ANKS1B: variants seen among roughly 807,000 people sequenced by gnomAD.
ANKS1B encodes ankyrin repeat and sterile alpha motif domain containing 1B.
ANKS1B carries 36 observed loss-of-function variants against 148.3 expected under a neutral mutation model. The ratio of observed to expected loss-of-function variants is 0.24; its 90% confidence interval spans 0.19 to 0.32. ANKS1B has a LOEUF of 0.32. ANKS1B is among the 10% of genes least tolerant of loss of function. The probability of loss-of-function intolerance (pLI) is 1.00; values close to 1 mark genes in which losing one functional copy is unlikely to be tolerated. For synonymous variants in ANKS1B, 542 were observed against 560.8 expected (o/e 0.97, Z 0.47); for missense variants, 1,157 against 1,542.6 (o/e 0.75, Z 4.19).
At chr12:99,902,939 T>C (rs1416675417) in intron 1 of ANKS1B, among the ~76,000 whole-genome samples, 1 of 142,348 alleles carries the variant, frequency 7.0e-6, no homozygotes, top group Non-Finnish European at 1.6e-5. Flanking sequence ...GTTGTTGCTG[T>C]TGTTGTTTTT....
At chr12:99,375,088 C>T (rs772682025) in intron 12 of ANKS1B, among the ~76,000 whole-genome samples, 3 of 152,148 alleles carry the variant, frequency 2.0e-5, no homozygotes, top group Non-Finnish European at 2.9e-5. Context: ...ACTTGGTGAA[C>T]AGAGTTGAAG....
At chr12:99,059,598 G>A (rs1445636042) in intron 16 of ANKS1B, among the ~76,000 whole-genome samples, 3 of 151,856 alleles carry the variant, frequency 2.0e-5, no homozygotes, top group Non-Finnish European at 1.5e-5. Context: ...ATGTAGCCAT[G>A]GGCAAGTCAC....
At chr12:99,100,686 C>G (rs1015597005) in intron 15 of ANKS1B, among the ~76,000 whole-genome samples, 1 of 152,160 alleles carries the variant, frequency 6.6e-6, no homozygotes, top group Non-Finnish European at 1.5e-5. Context: ...CATGCCATCA[C>G]GCCCAGCTAA....
intron 17 of ANKS1B, among the ~76,000 whole-genome samples, chr12:98,982,152 T>G (rs1396820544): frequency 6.6e-6 from 1 of 152,240 alleles, no homozygotes; most frequent in East Asian, 1.9e-4. Context: ...TTTTATTAAA[T>G]GCTTATTAGA....
In ANKS1B at chr12:99,510,103, T is replaced by G. The variant is rs552792093; in HGVS notation, c.1273-5462A>C. 6.6e-5 allele frequency among the ~76,000 whole-genome samples: 10 copies of G among 152,088 alleles called. No homozygotes were observed. In the South Asian group the frequency reaches 2.1e-3, roughly 32 times the overall value. ...AGACCTACTATTCACAAGAAAAGAT[T>G]CCTTTCAAAATATTACTATTCATTG... On this transcript the variant is annotated intron_variant, in intron 9 of 26. Coordinates refer to ENST00000683438, the MANE Select transcript of ANKS1B (RefSeq NM_001352186.2).
chr12:99,100,878 A>G (rs1266897212), intron 15 of ANKS1B, among the ~76,000 whole-genome samples: 1 of 152,252 alleles, frequency 6.6e-6, no homozygotes, highest in Non-Finnish European at 1.5e-5. Context: ...ATGGCTGTAC[A>G]GAGAAAAGAT....
intron 9 of ANKS1B, among the ~76,000 whole-genome samples, chr12:99,631,418 G>T (rs902147985): frequency 2.0e-5 from 3 of 152,118 alleles, no homozygotes; most frequent in Non-Finnish European, 4.4e-5. Context: ...TGGAGGAGCA[G>T]GCTAGAAAAA....
chr12:99,360,586 A>G (rs2092386629), intron 12 of ANKS1B, among the ~76,000 whole-genome samples: 1 of 152,120 alleles, frequency 6.6e-6, no homozygotes, highest in African/African-American at 2.4e-5. Context: ...GGTAATCCCA[A>G]GAAAGGCTTT....
chr12:99,775,373 G>C (rs192599455), intron 7 of ANKS1B, among the ~76,000 whole-genome samples, 175 bp downstream of exon 7: 1 of 152,248 alleles, frequency 6.6e-6, no homozygotes, highest in African/African-American at 2.4e-5. Flanking sequence ...AGCAGGGATA[G>C]TTTTCTGCTT....
intron 8 of ANKS1B, among the ~76,000 whole-genome samples, chr12:99,708,547 C>T (rs1025990951): frequency 6.6e-6 from 1 of 152,140 alleles, no homozygotes; most frequent in African/African-American, 2.4e-5. Flanking sequence ...TGTTTCTTGA[C>T]TCTTCCAGCT....
At chr12:99,852,623 C>T (rs1038337182) in intron 1 of ANKS1B, among the ~76,000 whole-genome samples, 1 of 152,122 alleles carries the variant, frequency 6.6e-6, no homozygotes, top group African/African-American at 2.4e-5. Flanking sequence ...AGCTCCCACT[C>T]GGATGTACAG....
chr12:99,163,056 A>C (rs1260770823), intron 14 of ANKS1B, among the ~76,000 whole-genome samples: 1 of 141,896 alleles, frequency 7.0e-6, no homozygotes, highest in Non-Finnish European at 1.5e-5. Context: ...AGACTCTGTC[A>C]AAAAAAAAAA....
At chr12:99,083,243 A>G (rs1247302342) in intron 16 of ANKS1B, among the ~76,000 whole-genome samples, 2 of 152,224 alleles carry the variant, frequency 1.3e-5, no homozygotes, top group African/African-American at 2.4e-5. Flanking sequence ...GGGAGAAAGT[A>G]TAGCCTCTCT....
intron 9 of ANKS1B, among the ~76,000 whole-genome samples, chr12:99,551,223 T>G (rs2097214532): frequency 1.3e-5 from 2 of 152,154 alleles, no homozygotes. Context: ...TACTCCCACT[T>G]CTATCATCAA....
At chr12:98,971,618 C>A (rs2099883189) in intron 17 of ANKS1B, among the ~76,000 whole-genome samples, 1 of 152,138 alleles carries the variant, frequency 6.6e-6, no homozygotes, top group South Asian at 2.1e-4. Context: ...ACCTAACATT[C>A]AAATGAAGGG....
At chr12:99,118,216 T>C (rs1441275205) in intron 15 of ANKS1B, among the ~76,000 whole-genome samples, 1 of 152,206 alleles carries the variant, frequency 6.6e-6, no homozygotes, top group Non-Finnish European at 1.5e-5. Context: ...TCTATTCTTA[T>C]TACAAAATAT....
intron 22 of ANKS1B, among the ~76,000 whole-genome samples, chr12:98,782,943 T>C (rs911930562): frequency 5.5e-4 from 84 of 152,326 alleles, no homozygotes; most frequent in African/African-American, 1.8e-3. Flanking sequence ...GAAGAAATCA[T>C]GTGCAATGTG....
chr12:99,247,193 G>A (rs908246042), intron 12 of ANKS1B, among the ~76,000 whole-genome samples: 1 of 152,044 alleles, frequency 6.6e-6, no homozygotes. Flanking sequence ...GAACAAAATT[G>A]GGTTTTCTTA....
chr12:99,529,452 A>G (rs1031124456), intron 9 of ANKS1B, among the ~76,000 whole-genome samples: 1 of 152,208 alleles, frequency 6.6e-6, no homozygotes, highest in African/African-American at 2.4e-5. Context: ...CTGGAGTTCA[A>G]GACCAGCCTG....
Sources: allele counts gnomAD v4.1 joint callset (sites outside exome capture counted in the v4.1 genomes callset), GRCh38; gene constraint gnomAD v4.1.1; transcripts MANE v1.5; gene names NCBI Gene and HGNC (gene_info 2026-07-23, HGNC 2026-07-21).